Variants in TTC7A observed in about 807,000 individuals in gnomAD.
The protein encoded by TTC7A is tetratricopeptide repeat protein 7A.
A neutral mutation model predicts 103.7 loss-of-function variants in TTC7A; 110 were observed. The ratio of observed to expected loss-of-function variants is 1.06; its 90% confidence interval spans 0.91 to 1.24. The LOEUF (loss-of-function observed/expected upper bound fraction) is 1.24. Among genes scored for constraint, TTC7A ranks in the 50% most tolerant of loss-of-function variants. TTC7A has a pLI of 0.00. For missense variants in TTC7A, 1,340 were observed against 1,116.3 expected, an observed-to-expected ratio of 1.20 and a Z score of -2.86; for synonymous variants, 521 against 467.9, an observed-to-expected ratio of 1.11 and a Z score of -1.47.
chr2:46,971,346 C>A (rs928846087), intron 3 of TTC7A, among the ~76,000 whole-genome samples: 4 of 152,080 alleles, frequency 2.6e-5, no homozygotes, highest in African/African-American at 4.8e-5. Flanking sequence ...TTTGGGTAGA[C>A]CTGGTGGGGT....
At chr2:46,931,529 C>CAG (rs34529508) in intron 2 of TTC7A, among the ~76,000 whole-genome samples, 15,052 of 152,054 alleles carry the variant, frequency 0.099, 816 homozygotes, top group Middle Eastern at 0.12. Flanking sequence ...GGGTCAGAGT[C>CAG]AGAGTAGAGG....
intron 18 of TTC7A, among the ~76,000 whole-genome samples, chr2:47,058,796 G>T (rs1297121310): frequency 6.6e-6 from 1 of 152,154 alleles, no homozygotes; most frequent in Non-Finnish European, 1.5e-5. Flanking sequence ...TGCCACGTGG[G>T]TCTGAAATGT....
rs1676054839 is a variant in TTC7A at position 46,995,186 on chromosome 2, T to A, written c.1052T>A (p.Ile351Asn). Residue 351 changes from isoleucine (I) to asparagine (N), a missense_variant, in exon 8 of 20, where the codon ATC becomes AAC. Coordinates refer to ENST00000319190, the MANE Select transcript of TTC7A (RefSeq NM_020458.4). Reference sequence around the variant, plus strand: ...GAGGAAGCCCTCCTGCTCCTCCTCATCAGCGAATCCATGGTAAGCTCCAGG... The same window carrying A: ...GAGGAAGCCCTCCTGCTCCTCCTCAACAGCGAATCCATGGTAAGCTCCAGG... Reference protein sequence around the residue: ...NIEEALLLLLISESMATRDVV... With the variant: ...NIEEALLLLLNSESMATRDVV... 1 of 1,614,170 alleles carries A rather than the reference T, an allele frequency of 6.2e-7. No homozygotes were observed. Among genetic ancestry groups the A allele is most frequent in the East Asian group, 2.2e-5 (1 of 44,882 alleles).
intron 12 of TTC7A, among the ~76,000 whole-genome samples, chr2:47,022,199 A>G (rs763932333): frequency 1.3e-5 from 2 of 151,864 alleles, no homozygotes; most frequent in Non-Finnish European, 2.9e-5. Context: ...GACTGTCGCC[A>G]CCCTCAAGCA....
chr2:47,024,958 A>C (rs1679725519), intron 14 of TTC7A, among the ~76,000 whole-genome samples: 1 of 151,880 alleles, frequency 6.6e-6, no homozygotes, highest in Non-Finnish European at 1.5e-5. Context: ...AGCCTCCTTT[A>C]CTTTCCTGTG....
At position 47,007,810 on chromosome 2, in the gene TTC7A, G is replaced by A. The variant is rs752247860; in HGVS notation, c.1287+1086G>A. Among the ~76,000 whole-genome samples, 5 of 152,186 alleles carry A rather than the reference G, an allele frequency of 3.3e-5. No homozygotes were observed. The highest frequency in any genetic ancestry group is 1.3e-4 in the Admixed American group (2 of 15,280). The stretch of plus-strand genomic sequence containing the variant: ...CCTCTCTCCTCTCCCCCATCACATC[G>A]GACACCTCACAGAGCATCTTGAAGT... On this transcript the variant is annotated intron_variant, in intron 10 of 19. Coordinates refer to ENST00000319190, the MANE Select transcript of TTC7A (RefSeq NM_020458.4). This position sits in a 1 kb window ranked among gnomAD's most constrained non-coding sequence, Gnocchi z 4.9.
chr2:47,053,549 T>TGGTA (rs1683068999), intron 18 of TTC7A, among the ~76,000 whole-genome samples: 1 of 117,128 alleles, frequency 8.5e-6, no homozygotes, highest in African/African-American at 4.0e-5. Flanking sequence ...TTTGTTTGGT[T>TGGTA]GGTTGGTTGG....
At chr2:46,941,157 C>A (rs1466748491), upstream of TTC7A, 1 of 147,664 alleles carries the variant, frequency 6.8e-6, no homozygotes, top group East Asian at 2.0e-4. This position sits in a 1 kb window ranked among gnomAD's most constrained non-coding sequence, Gnocchi z 4.2. Flanking sequence ...CCCACGCCCC[C>A]GCGGGGGTGG....
Position 47,011,334 on chromosome 2 carries a change from G to T in TTC7A, c.1291G>T (p.Ala431Ser). The T allele has an allele frequency of 6.2e-7, 1 of 1,613,216 alleles. No individual in the cohort carries two copies. Among genetic ancestry groups the T allele is most frequent in the Non-Finnish European group, 8.5e-7 (1 of 1,179,738 alleles). ...TTCCTGCTCTTTTTTTCTGCAGTCA[G>T]CCTACGCTGTGTCCCTGCTGCGGGA... ...ALSMVACGKSAYAVSLLRECV... is the reference protein window; with the variant it reads ...ALSMVACGKSSYAVSLLRECV... The change falls in exon 11 of 20, where the codon GCC becomes TCC. Residue 431 changes from alanine to serine, a missense_variant. Ala to Ser is a moderately conservative substitution (Grantham distance 99). Coordinates refer to ENST00000319190, the MANE Select transcript of TTC7A (RefSeq NM_020458.4).
intron 18 of TTC7A, among the ~76,000 whole-genome samples, chr2:47,052,648 C>T (rs1323598111): frequency 6.6e-6 from 1 of 152,082 alleles, no homozygotes; most frequent in African/African-American, 2.4e-5. Flanking sequence ...AGAGGTAGAT[C>T]AGAGTGGAAA....
intron 1 of TTC7A, among the ~76,000 whole-genome samples, chr2:46,946,336 C>T (rs545776025): frequency 7.4e-4 from 113 of 152,298 alleles, no homozygotes; most frequent in African/African-American, 2.5e-3. Flanking sequence ...TAGTAGGTTT[C>T]GGACAACAGG....
chr2:47,061,348 T>G (rs1401644177), intron 19 of TTC7A, among the ~76,000 whole-genome samples: 1 of 152,232 alleles, frequency 6.6e-6, no homozygotes. Context: ...TCTAGGTGGT[T>G]ACCAAAATGC....
chr2:46,916,504 A>T (rs1668796765), exon 1 of TTC7A: 1 of 152,418 alleles, frequency 6.6e-6, no homozygotes, highest in Non-Finnish European at 1.5e-5. Flanking sequence ...AAACGAATAC[A>T]TCATCCCTGT....
At chr2:47,072,869 T>C (rs914398098) in intron 19 of TTC7A, among the ~76,000 whole-genome samples, 1 of 152,222 alleles carries the variant, frequency 6.6e-6, no homozygotes, top group African/African-American at 2.4e-5. Flanking sequence ...CCAGTGTGGG[T>C]AGAAGAGGAT....
intron 5 of TTC7A, among the ~76,000 whole-genome samples, chr2:46,989,174 C>G (rs1331991438): frequency 6.6e-6 from 1 of 152,208 alleles, no homozygotes; most frequent in Non-Finnish European, 1.5e-5. Context: ...TGTCCTTGAC[C>G]CATCATCACA....
At position 47,011,393 on chromosome 2, in the gene TTC7A, G is replaced by T; in HGVS notation, c.1350G>T (p.Val450=). The T allele has an allele frequency of 6.2e-7, 1 of 1,611,264 alleles. No individual in the cohort carries two copies. The highest frequency in any genetic ancestry group is 8.5e-7 in the Non-Finnish European group (1 of 1,179,902). ...CVKLRPSDPT[V]PLMAAKVCIG... is the part of the protein sequence containing the mutation. ...AGTTGCGGCCCTCGGACCCCACCGT[G>T]CCCCTGATGGCCGCGAAGGTCTGCA... The change falls in exon 11 of 20, where the codon GTG becomes GTT. Residue 450 remains valine (V), a synonymous_variant. Transcript: ENST00000319190.
In TTC7A at chr2:47,072,821, C is replaced by T. The variant is rs1016441014; in HGVS notation, c.2356-881C>T. On this transcript the variant is annotated intron_variant, in intron 19 of 19. Coordinates refer to ENST00000319190, the MANE Select transcript of TTC7A (RefSeq NM_020458.4). ...TGAGGCTGAAAGGGGGCCCTGCCCT[C>T]TCCCTCCACTCACTACCCTGTCCAC... Among the ~76,000 whole-genome samples the T allele has an allele frequency of 8.7e-5, 13 of 150,062 alleles. No individual in the cohort carries two copies. The East Asian group carries it at 2.6e-3, about 30-fold the overall frequency.
intron 18 of TTC7A, among the ~76,000 whole-genome samples, chr2:47,056,826 A>G (rs1401376152): frequency 6.6e-6 from 1 of 152,194 alleles, no homozygotes; most frequent in African/African-American, 2.4e-5. Flanking sequence ...AAAATCAGAA[A>G]GGGGAAGACA....
At chr2:47,069,355 T>A (rs928851863) in intron 19 of TTC7A, among the ~76,000 whole-genome samples, 1 of 152,122 alleles carries the variant, frequency 6.6e-6, no homozygotes, top group African/African-American at 2.4e-5. Context: ...GGCCTACTGG[T>A]GTTCTTCTAC....
Sources: gnomAD v4.1 joint callset for allele counts (sites outside exome capture counted in the v4.1 genomes callset) on GRCh38, gnomAD v4.1.1 for gene constraint, Gnocchi (gnomAD v3.1) non-coding constraint, MANE v1.5 for transcripts, NCBI Gene and HGNC (gene_info 2026-07-23, HGNC 2026-07-21) for gene names.